The following PRKD3 variants were observed in gnomAD, a reference collection of about 807,000 sequenced individuals.
PRKD3 encodes the protein serine/threonine-protein kinase D3.
PRKD3 carries 47 observed loss-of-function variants against 99.2 expected under a neutral mutation model. That is an observed-to-expected ratio of 0.47 (90% CI 0.38 to 0.60). The LOEUF is 0.60. Among genes scored for constraint, PRKD3 ranks in the 20% least tolerant of loss-of-function variants. The pLI is 0.00. For missense variants in PRKD3, 1,019 were observed against 1,088.4 expected (o/e 0.94, Z 0.90); for synonymous variants, 392 against 355.4 (o/e 1.10, Z -1.16).
chr2:37,303,029 G>A (rs530464905), intron 2 of PRKD3, among the ~76,000 whole-genome samples: 3 of 152,000 alleles, frequency 2.0e-5, no homozygotes, highest in African/African-American at 2.4e-5. Context: ...CCGGCCCCAC[G>A]GCCCAACCCC....
chr2:37,256,157 G>A (rs1399607092), intron 17 of PRKD3, among the ~76,000 whole-genome samples: 3 of 152,176 alleles, frequency 2.0e-5, no homozygotes, highest in Non-Finnish European at 4.4e-5. Context: ...GTAGACAAGG[G>A]AAAAACAGTC....
chr2:37,261,885 C>T (rs750088386), intron 14 of PRKD3, among the ~76,000 whole-genome samples: 9 of 152,178 alleles, frequency 5.9e-5, no homozygotes, highest in East Asian at 1.9e-4. Flanking sequence ...CAGTAAAAAA[C>T]GTATTTTGAA....
At chr2:37,314,541 T>G (rs985042894) in intron 2 of PRKD3, among the ~76,000 whole-genome samples, 1 of 152,140 alleles carries the variant, frequency 6.6e-6, no homozygotes, top group Non-Finnish European at 1.5e-5. Flanking sequence ...AGTAAATCAA[T>G]TAGCTCAATT....
Position 37,254,736 on chromosome 2 carries a change from C to T in PRKD3, c.2414-447G>A, listed in dbSNP as rs143096307. ...ATGAAACAGACTCTCTGATCCTCCC[C>T]ACCCCGCTCCAATGCTAGAGAGCAC... On this transcript the variant is annotated intron_variant, in intron 17 of 18. Transcript: ENST00000234179. Among the ~76,000 whole-genome samples the T allele has an allele frequency of 2.6e-3, 394 of 152,280 alleles. 1 individual carries two copies. Among genetic ancestry groups the T allele is most frequent in the African/African-American group, 8.8e-3 (366 of 41,570 alleles).
At chr2:37,303,442 T>C (rs569156451) in intron 2 of PRKD3, among the ~76,000 whole-genome samples, 8 of 152,222 alleles carry the variant, frequency 5.3e-5, no homozygotes, top group East Asian at 1.9e-4. Flanking sequence ...CTGCTGTCCA[T>C]GGATGGCAGA....
At chr2:37,278,435 ATGT>A (rs142448252) in intron 8 of PRKD3, 3,386 of 152,558 alleles carry the variant, frequency 0.022, 57 homozygotes, top group Middle Eastern at 0.054. Flanking sequence ...CCAGTTAATC[ATGT>A]TGTTAGCAAA....
At chr2:37,282,358 G>C (rs899709839) in intron 7 of PRKD3, 184 bp downstream of exon 7, 14 of 544,962 alleles carry the variant, frequency 2.6e-5, no homozygotes, top group Non-Finnish European at 3.3e-6. Flanking sequence ...GGAAAGACGG[G>C]AAGGCGTGAT....
intron 2 of PRKD3, among the ~76,000 whole-genome samples, chr2:37,304,432 A>C (rs1369587830): frequency 2.0e-5 from 3 of 152,128 alleles, no homozygotes; most frequent in Admixed American, 1.3e-4. Context: ...TGAACCCAGA[A>C]TTTTTTGGAT....
chr2:37,278,083 C>T, intron 8 of PRKD3, 94 bp from the exon 9 acceptor site: 1 of 1,091,120 alleles, frequency 9.2e-7, no homozygotes, highest in East Asian at 2.9e-5. Flanking sequence ...GACAACTGAG[C>T]TAAAATTTTT....
At chr2:37,306,756 C>T (rs1332862670) in intron 2 of PRKD3, among the ~76,000 whole-genome samples, 1 of 152,164 alleles carries the variant, frequency 6.6e-6, no homozygotes, top group South Asian at 2.1e-4. Flanking sequence ...CTGCAGTGAG[C>T]CGTGATCATG....
intron 2 of PRKD3, 76 bp downstream of exon 2, chr2:37,316,161 T>C: frequency 2.2e-6 from 3 of 1,390,766 alleles, no homozygotes; most frequent in South Asian, 2.7e-5. Context: ...ATGTCTTAAC[T>C]CACTGGTACA....
chr2:37,264,478 A>G lies in PRKD3; in HGVS notation c.1884+2952T>C, dbSNP rs111276782. Among the ~76,000 whole-genome samples, 695 of 139,642 alleles carry G rather than the reference A, an allele frequency of 5.0e-3. 7 individuals carry two copies. The highest frequency in any genetic ancestry group is 0.018 in the African/African-American group (676 of 37,996). 91.6% of individuals were successfully genotyped at this position (139,642 alleles called of 152,430 possible). On this transcript the variant is annotated intron_variant, in intron 14 of 18. Transcript: ENST00000234179. ...GTAAATTACCTAGTATGAAGGTGAT[A>G]AGTGCCATGGAGAAAAGAAAAAGAG...
intron 2 of PRKD3, among the ~76,000 whole-genome samples, chr2:37,298,033 T>C (rs1250693290): frequency 6.6e-6 from 1 of 152,218 alleles, no homozygotes; most frequent in African/African-American, 2.4e-5. Flanking sequence ...GGGAGATTTA[T>C]CTATTTTCCC....
chr2:37,297,681 C>T (rs1464093979), intron 2 of PRKD3, among the ~76,000 whole-genome samples: 1 of 152,098 alleles, frequency 6.6e-6, no homozygotes, highest in Non-Finnish European at 1.5e-5. Flanking sequence ...AAGTTCTGGT[C>T]AGGTATATTG....
At chr2:37,271,390 G>A (rs1669255242) in intron 12 of PRKD3, among the ~76,000 whole-genome samples, 1 of 152,118 alleles carries the variant, frequency 6.6e-6, no homozygotes, top group African/African-American at 2.4e-5. Context: ...TTCAATTTCA[G>A]GGTCCATAAA....
intron 2 of PRKD3, among the ~76,000 whole-genome samples, chr2:37,309,325 G>C (rs181692318): frequency 6.6e-5 from 10 of 152,190 alleles, no homozygotes; most frequent in African/African-American, 2.4e-4. Flanking sequence ...TCACTTAACT[G>C]TTCCTATCCC....
chr2:37,254,781 T>G (rs1345617415), intron 17 of PRKD3, among the ~76,000 whole-genome samples: 1 of 152,248 alleles, frequency 6.6e-6, no homozygotes, highest in African/African-American at 2.4e-5. Flanking sequence ...TGACTTGGTC[T>G]GGAAAGGCAC....
intron 8 of PRKD3, 45 bp from the exon 9 acceptor site, chr2:37,278,034 A>T: frequency 6.6e-7 from 1 of 1,524,294 alleles, no homozygotes; most frequent in African/African-American, 1.4e-5. Flanking sequence ...ATTTTTAAAA[A>T]ATCATATAAA....
intron 7 of PRKD3, among the ~76,000 whole-genome samples, chr2:37,280,242 G>C (rs1219314088): frequency 6.6e-6 from 1 of 151,652 alleles, no homozygotes; most frequent in Non-Finnish European, 1.5e-5. Flanking sequence ...ATGGGGTTTC[G>C]CCATGTTGGC....
Sources: gnomAD v4.1 joint callset for allele counts (sites outside exome capture counted in the v4.1 genomes callset) on GRCh38, gnomAD v4.1.1 for gene constraint, MANE v1.5 for transcripts, NCBI Gene and HGNC (gene_info 2026-07-23, HGNC 2026-07-21) for gene names.